FAM174B: variants seen among roughly 807,000 people sequenced by gnomAD.
The protein encoded by FAM174B is family with sequence similarity 174 member B.
FAM174B carries 12 observed loss-of-function variants against 10.9 expected under a neutral mutation model. That is an observed-to-expected ratio of 1.10 (90% CI 0.71 to 1.79). The LOEUF (loss-of-function observed/expected upper bound fraction) is 1.79, where lower values mean the gene tolerates loss of function less well. Among genes scored for constraint, FAM174B ranks in the 40% most tolerant of loss-of-function variants. The pLI, the probability that FAM174B is intolerant of heterozygous loss-of-function variation, is 0.00. For synonymous variants in FAM174B, 132 were observed against 115.8 expected (o/e 1.14, Z -0.90); for missense variants, 266 against 233.3 (o/e 1.14, Z -0.91).
At chr15:92,623,325 TC>T (rs1486490242) in intron 2 of FAM174B, among the ~76,000 whole-genome samples, 2 of 152,130 alleles carry the variant, frequency 1.3e-5, no homozygotes, top group African/African-American at 4.8e-5. Flanking sequence ...AAGAGGCCTC[TC>T]TCGGCCCCCT....
In FAM174B at chr15:92,655,478, GC is replaced by G; in HGVS notation, c.181del (p.Ala61ArgfsTer18). 1 of 1,551,560 alleles carries G rather than the reference GC, an allele frequency of 6.4e-7. No homozygotes were observed. Among genetic ancestry groups the G allele is most frequent in the South Asian group, 1.2e-5 (1 of 83,650 alleles). ...GCTGGAGCTGCCGCTGCCGCCCGCC[GC>G]CCCAGACCCAAACCGGGTGGTGTTC... ...PGNTTRFGSG[A>X]AGGSGSSSSN... On this transcript the variant is annotated frameshift_variant, in exon 1 of 3. Coordinates refer to ENST00000327355, the MANE Select transcript of FAM174B (RefSeq NM_207446.3). LOFTEE classifies it high-confidence loss of function.
intron 1 of FAM174B, 67 bp from the exon 2 acceptor site, chr15:92,630,412 C>T (rs1054875599): frequency 8.1e-6 from 12 of 1,478,108 alleles, no homozygotes; most frequent in South Asian, 2.4e-5. Flanking sequence ...GCCCCAAGCC[C>T]CAGAGGACCC....
intron 1 of FAM174B, among the ~76,000 whole-genome samples, chr15:92,652,764 G>T (rs1278770870): frequency 6.6e-6 from 1 of 152,192 alleles, no homozygotes; most frequent in African/African-American, 2.4e-5. Context: ...GACTCAGGTG[G>T]TGGAATTTCC....
chr15:92,620,049 T>C (rs777681331), intron 2 of FAM174B: 1 of 154,130 alleles, frequency 6.5e-6, no homozygotes, highest in African/African-American at 2.4e-5. Flanking sequence ...AAACAGACAG[T>C]GGGCTGGATT....
intron 1 of FAM174B, among the ~76,000 whole-genome samples, chr15:92,649,512 A>T (rs2050950593): frequency 6.6e-6 from 1 of 152,240 alleles, no homozygotes; most frequent in Non-Finnish European, 1.5e-5. Flanking sequence ...CGTATTTTTC[A>T]ATATAATAGG....
chr15:92,632,024 A>G (rs1381367693), intron 1 of FAM174B, among the ~76,000 whole-genome samples: 1 of 152,178 alleles, frequency 6.6e-6, no homozygotes, highest in Admixed American at 6.5e-5. Flanking sequence ...CAGGTGAGGG[A>G]AAATTGCATG....
In FAM174B at chr15:92,655,676, A is replaced by G. The variant is rs534816402; in HGVS notation, c.-17T>C. ...GGCGCGCATAGTGCGGTGGGTCGGC[A>G]CAGGATCGGGCAGGGCGCGCGCGGC... On this transcript the variant is annotated 5_prime_UTR_variant, in exon 1 of 3. Transcript: ENST00000327355. 662 of 1,250,978 alleles carry G rather than the reference A, an allele frequency of 5.3e-4. 1 individual carries two copies. Among genetic ancestry groups the G allele is most frequent in the Non-Finnish European group, 6.1e-4 (615 of 1,001,066 alleles). 77.5% of individuals were successfully genotyped at this position (1,250,978 alleles called of 1,614,324 possible). A position where few individuals can be genotyped will look rare whatever the true frequency, so the allele number is the denominator to read the frequency against.
intron 2 of FAM174B, among the ~76,000 whole-genome samples, chr15:92,621,177 C>T (rs1165067763): frequency 2.6e-5 from 4 of 152,206 alleles, no homozygotes; most frequent in Admixed American, 2.6e-4. Context: ...CACACACATA[C>T]ATATACACAC....
chr15:92,617,902 C>A lies in FAM174B; in HGVS notation c.*1554G>T, dbSNP rs2050689987. On this transcript the variant is annotated 3_prime_UTR_variant, in exon 3 of 3. Coordinates refer to ENST00000327355, the MANE Select transcript of FAM174B (RefSeq NM_207446.3). ...GGCTGGCAATACCATGCGTGCTGGGCCGGCTGCGCCACCCTCACCCAGGGC... is the reference window on the plus strand; with the variant it reads ...GGCTGGCAATACCATGCGTGCTGGGACGGCTGCGCCACCCTCACCCAGGGC... The A allele has an allele frequency of 2.4e-6, 1 of 422,632 alleles. No homozygotes were observed. Among genetic ancestry groups the A allele is most frequent in the Non-Finnish European group, 4.2e-6 (1 of 240,532 alleles). 26.2% of individuals were successfully genotyped at this position (422,632 alleles called of 1,614,324 possible).
intron 2 of FAM174B, among the ~76,000 whole-genome samples, chr15:92,628,830 A>G (rs1192504958): frequency 6.6e-6 from 1 of 152,246 alleles, no homozygotes; most frequent in Non-Finnish European, 1.5e-5. Context: ...TATACATATC[A>G]AAATGTAAAA....
In FAM174B at chr15:92,655,543, G is replaced by A. The variant is rs1423071979; in HGVS notation, c.117C>T (p.Pro39=). The A allele has an allele frequency of 6.3e-6, 9 of 1,425,590 alleles. No individual in the cohort carries two copies. The highest frequency in any genetic ancestry group is 8.2e-6 in the Non-Finnish European group (9 of 1,091,574). 88.3% of individuals were successfully genotyped at this position (1,425,590 alleles called of 1,614,324 possible). A position where few individuals can be genotyped will look rare whatever the true frequency, so the allele number is the denominator to read the frequency against. ...CGGGCGGTGGCCGCGACTCGCGCTC[G>A]GGTTCGGGCCACGGCGCGGAGACGG... ...AESVSAPWPE[P]ERESRPPPGP... is the part of the protein sequence containing the mutation. The change falls in exon 1 of 3, where the codon CCC becomes CCT. Residue 39 remains proline (P), a synonymous_variant. Transcript: ENST00000327355.
intron 1 of FAM174B, among the ~76,000 whole-genome samples, chr15:92,646,889 A>G (rs531358638): frequency 1.1e-3 from 161 of 152,284 alleles, no homozygotes; most frequent in Admixed American, 4.6e-3. Flanking sequence ...TACATCTTAC[A>G]TGTATTTGAT....
chr15:92,638,332 T>C (rs1219364155), intron 1 of FAM174B, among the ~76,000 whole-genome samples: 3 of 152,318 alleles, frequency 2.0e-5, no homozygotes, highest in Non-Finnish European at 4.4e-5. Context: ...AATATAATCC[T>C]GAAGCCAGAG....
intron 2 of FAM174B, chr15:92,619,673 C>G: frequency 1.7e-5 from 10 of 603,822 alleles, no homozygotes; most frequent in Admixed American, 8.9e-5. Flanking sequence ...GGATCCCTCC[C>G]CCAGCTCCCC....
At chr15:92,631,175 T>TTACATATTAC (rs1567044994) in intron 1 of FAM174B, among the ~76,000 whole-genome samples, 4 of 15,534 alleles carry the variant, frequency 2.6e-4, no homozygotes, top group African/African-American at 5.0e-4. Context: ...TAATAATTTA[T>TTACATATTAC]ATATTATATT....
At chr15:92,644,334 C>T (rs917435987) in intron 1 of FAM174B, among the ~76,000 whole-genome samples, 3 of 152,124 alleles carry the variant, frequency 2.0e-5, no homozygotes, top group South Asian at 2.1e-4. Flanking sequence ...AGAGCATTTT[C>T]GACAAGCCAC....
intron 1 of FAM174B, among the ~76,000 whole-genome samples, chr15:92,632,295 A>G (rs2050824562): frequency 6.6e-6 from 1 of 152,216 alleles, no homozygotes; most frequent in Admixed American, 6.5e-5. Flanking sequence ...CTGTAATCCT[A>G]GCACTTTGGG....
intron 1 of FAM174B, among the ~76,000 whole-genome samples, chr15:92,649,487 A>G (rs1158227728): frequency 6.6e-6 from 1 of 152,206 alleles, no homozygotes; most frequent in African/African-American, 2.4e-5. Context: ...TGTAAATTAC[A>G]TCTGTTTTCA....
In FAM174B at chr15:92,624,107, T is replaced by C. The variant is rs77489109; in HGVS notation, c.477-4648A>G. On this transcript the variant is annotated intron_variant, in intron 2 of 2. Transcript: ENST00000327355. ...GAAAATTGCCCGCAGGCTGCCAATA[T>C]TGCTTTCCAAAGAAACAAAAATTCT... Among the ~76,000 whole-genome samples, 11 of 152,342 alleles carry C rather than the reference T, an allele frequency of 7.2e-5. No individual in the cohort carries two copies. In the East Asian group the frequency reaches 1.5e-3, roughly 21 times the overall value.
Sources: gnomAD v4.1 joint callset for allele counts (sites outside exome capture counted in the v4.1 genomes callset) on GRCh38, gnomAD v4.1.1 for gene constraint, MANE v1.5 for transcripts, NCBI Gene and HGNC (gene_info 2026-07-23, HGNC 2026-07-21) for gene names.